The following PRELID3A variants were observed in gnomAD, a reference collection of about 807,000 sequenced individuals.
The protein encoded by PRELID3A is PRELI domain containing protein 3A.
PRELID3A carries 27 observed loss-of-function variants against 23.0 expected under a neutral mutation model. The observed-to-expected ratio is 1.17, with a 90% CI of 0.87 to 1.62. The LOEUF (loss-of-function observed/expected upper bound fraction) is 1.62, where lower values mean the gene tolerates loss of function less well. PRELID3A is among the 40% of genes most tolerant of loss of function. The pLI, the probability that PRELID3A is intolerant of heterozygous loss-of-function variation, is 0.00. For synonymous variants in PRELID3A, 87 were observed against 86.4 expected (o/e 1.01, Z -0.04); for missense variants, 231 against 231.4 (o/e 1.00, Z 0.01).
intron 5 of PRELID3A, among the ~76,000 whole-genome samples, chr18:12,428,523 C>T (rs1490964205): frequency 6.6e-6 from 1 of 152,158 alleles, no homozygotes; most frequent in East Asian, 1.9e-4. Context: ...CTTCCCTTTC[C>T]AATGTCCTTC....
chr18:12,424,707 T>G (rs575826230), intron 3 of PRELID3A, among the ~76,000 whole-genome samples: 246 of 152,356 alleles, frequency 1.6e-3, no homozygotes, highest in Non-Finnish European at 2.9e-3. Flanking sequence ...TTTCACTGTT[T>G]AAACTTTTTA....
rs2030323150 is a variant in PRELID3A, at chr18:12,425,433, A to G, written c.292-1608A>G. ...CAGGAGATCAAGACCATCCTGGCTA[A>G]CATGGTGAAACCCCGTCTCTACTAA... On this transcript the variant is annotated intron_variant, in intron 3 of 6. Transcript: ENST00000440960. Among the ~76,000 whole-genome samples the G allele has an allele frequency of 2.7e-5, 4 of 147,782 alleles. No homozygotes were observed. In the Admixed American group the frequency reaches 2.7e-4, roughly 10 times the overall value.
chr18:12,420,327 A>T lies in PRELID3A; in HGVS notation c.35A>T (p.His12Leu). 6.2e-7 allele frequency: 1 copy of T among 1,606,726 alleles called. No homozygotes were observed. Among genetic ancestry groups the T allele is most frequent in the East Asian group, 2.2e-5 (1 of 44,590 alleles). Reference sequence around the variant, plus strand: ...CGCCGCCTATGCTCTCCCCGCAGCCACCCGTGGGACACGGTCATCCAGGCG... The same window carrying T: ...CGCCGCCTATGCTCTCCCCGCAGCCTCCCGTGGGACACGGTCATCCAGGCG... The part of the protein sequence containing the change: ...KIWSSEHVFG[H>L]PWDTVIQAAM... Residue 12 changes from histidine (H) to leucine (L), a missense_variant and splice_region_variant, in exon 2 of 7, where the codon CAC (histidine) becomes CTC (leucine). His to Leu is a moderately conservative substitution (Grantham distance 99). Transcript: ENST00000440960.
In PRELID3A at chr18:12,421,551, C is replaced by G. The variant is rs774920138; in HGVS notation, c.213C>G (p.Thr71=). Residue 71 remains threonine (T), a synonymous_variant, in exon 3 of 7, where the codon ACC becomes ACG. Coordinates refer to ENST00000440960, the MANE Select transcript of PRELID3A (RefSeq NM_001142405.2). The part of the protein sequence containing the change: ...LPSLVRAILG[T]SRTLTYIREH... ...GCTTTGTTTTCTAGATTTTGGGAAC[C>G]AGTAGGACATTGACATACATCCGAG... 1 of 1,612,444 alleles carries G rather than the reference C, an allele frequency of 6.2e-7. No homozygotes were observed. Among genetic ancestry groups the G allele is most frequent in the Non-Finnish European group, 8.5e-7 (1 of 1,178,594 alleles).
intron 1 of PRELID3A, among the ~76,000 whole-genome samples, chr18:12,414,863 A>G (rs1010061017): frequency 6.6e-6 from 1 of 152,004 alleles, no homozygotes; most frequent in African/African-American, 2.4e-5. Flanking sequence ...CAGCTGATGG[A>G]GGCCTTGGGT....
chr18:12,427,031 T>A lies in PRELID3A; in HGVS notation c.292-10T>A, dbSNP rs2030400740. 1 of 1,603,760 alleles carries A rather than the reference T, an allele frequency of 6.2e-7. No individual in the cohort carries two copies. Among genetic ancestry groups the A allele is most frequent in the Non-Finnish European group, 8.5e-7 (1 of 1,170,698 alleles). On this transcript the variant is annotated splice_polypyrimidine_tract_variant and intron_variant, in intron 3 of 6. Coordinates refer to ENST00000440960, the MANE Select transcript of PRELID3A (RefSeq NM_001142405.2). ...AGAAATACAATCTAAACCTTTTTTT[T>A]CTTTTTAAGATCACACTCACAAATT...
intron 1 of PRELID3A, among the ~76,000 whole-genome samples, chr18:12,415,500 G>A (rs572594174): frequency 6.6e-6 from 1 of 151,212 alleles, no homozygotes; most frequent in Non-Finnish European, 1.5e-5. Flanking sequence ...CAAGTGATCC[G>A]CCCGCCTCGG....
intron 3 of PRELID3A, among the ~76,000 whole-genome samples, chr18:12,424,872 G>A (rs540282865): frequency 2.4e-4 from 36 of 152,298 alleles, no homozygotes; most frequent in African/African-American, 7.2e-4. Context: ...GGTGGCCCAC[G>A]CCTGTAATCC....
chr18:12,408,109 C>A, intron 1 of PRELID3A, 102 bp downstream of exon 1: 2 of 1,041,638 alleles, frequency 1.9e-6, no homozygotes, highest in Non-Finnish European at 1.2e-6. Flanking sequence ...CACAGCGGGC[C>A]TCGCGGAGAT....
rs1481304574 is a variant in PRELID3A at position 12,429,440 on chromosome 18, A to G, written c.*33+4A>G. ...CCTGTGCTTGTCATAAATGGTGGTG[A>G]GTACAGTATTCACTCACCTGGGGGG... On this transcript the variant is annotated splice_donor_region_variant and intron_variant, in intron 6 of 6. Transcript: ENST00000440960. 6.3e-7 allele frequency: 1 copy of G among 1,590,828 alleles called. No homozygotes were observed. Among genetic ancestry groups the G allele is most frequent in the South Asian group, 1.1e-5 (1 of 90,478 alleles).
intron 1 of PRELID3A, among the ~76,000 whole-genome samples, chr18:12,410,224 G>A (rs925093853): frequency 1.3e-5 from 2 of 152,212 alleles, no homozygotes; most frequent in African/African-American, 4.8e-5. Flanking sequence ...GGGGCCCGGC[G>A]CCTAGCAGGT....
intron 1 of PRELID3A, among the ~76,000 whole-genome samples, chr18:12,411,396 G>GCAGAACTTGCAGTGAGC (rs1909904520): frequency 1.4e-5 from 2 of 144,768 alleles, no homozygotes; most frequent in South Asian, 4.4e-4. Flanking sequence ...AACCCGGGAG[G>GCAGAACTTGCAGTGAGC]CAGAACTTGC....
intron 1 of PRELID3A, among the ~76,000 whole-genome samples, chr18:12,417,877 G>A (rs2030014890): frequency 6.6e-6 from 1 of 152,202 alleles, no homozygotes; most frequent in South Asian, 2.1e-4. Context: ...AGTGGAATGC[G>A]TCAGCTTAGT....
Position 12,407,973 on chromosome 18 carries a change from G to C in PRELID3A, c.-3G>C. 1 of 1,298,198 alleles carries C rather than the reference G, an allele frequency of 7.7e-7. No individual in the cohort carries two copies. Among genetic ancestry groups the C allele is most frequent in the South Asian group, 2.5e-5 (1 of 40,602 alleles). The allele number at this position is 1,298,198 out of a possible 1,614,324, so 80.4% of individuals were successfully genotyped here. A position where few individuals can be genotyped will look rare whatever the true frequency, so the allele number is the denominator to read the frequency against. ...GCAGAGCCCGCGCCCTGCGCCGGCG[G>C]CAATGAAGATCTGGAGCTCGGAGCA... On this transcript the variant is annotated 5_prime_UTR_variant, in exon 1 of 7. Transcript: ENST00000440960.
rs770165550 is a variant in PRELID3A, at chr18:12,429,305, G to C, written c.466-45G>C. Reference sequence around the variant, plus strand: ...ACTTGTCGCTTGCTGTCTGCAGCGGGAGGCGGGACGACCCACTCAGTGCTG... The same window carrying C: ...ACTTGTCGCTTGCTGTCTGCAGCGGCAGGCGGGACGACCCACTCAGTGCTG... On this transcript the variant is annotated intron_variant, in intron 5 of 6. Coordinates refer to ENST00000440960, the MANE Select transcript of PRELID3A (RefSeq NM_001142405.2). 2.5e-5 allele frequency: 40 copies of C among 1,570,198 alleles called. No homozygotes were observed. The South Asian group carries it at 4.3e-4, about 17-fold the overall frequency.
chr18:12,432,216 CAGAT>C lies in PRELID3A; in HGVS notation c.*1103_*1106del, dbSNP rs1358757356. On this transcript the variant is annotated 3_prime_UTR_variant, in exon 7 of 7. Coordinates refer to ENST00000440960, the MANE Select transcript of PRELID3A (RefSeq NM_001142405.2). ...TTCTCTTCCCTTCTTTTATTAAACA[CAGAT>C]AGGTTTATGCTGGATAAACCGTTTC... 6.6e-6 allele frequency: 1 copy of C among 152,224 alleles called. No homozygotes were observed. The highest frequency in any genetic ancestry group is 2.4e-5 in the African/African-American group (1 of 41,456). The allele number at this position is 152,224 out of a possible 1,614,324, so 9.4% of individuals were successfully genotyped here.
At chr18:12,411,517 T>C (rs1028995551) in intron 1 of PRELID3A, among the ~76,000 whole-genome samples, 3 of 149,608 alleles carry the variant, frequency 2.0e-5, no homozygotes, top group African/African-American at 7.4e-5. Flanking sequence ...CTTCCCAGCA[T>C]TGAGGTTTCA....
chr18:12,414,939 C>CT (rs1190659650), intron 1 of PRELID3A, among the ~76,000 whole-genome samples: 5 of 151,516 alleles, frequency 3.3e-5, no homozygotes, highest in South Asian at 2.1e-4. Flanking sequence ...TTTTTTCTTT[C>CT]TTTTTTTTAG....
Position 12,424,275 on chromosome 18 carries a change from AG to A in PRELID3A, c.291+2647del, listed in dbSNP as rs566141411. Among the ~76,000 whole-genome samples, 13 of 152,348 alleles carry A rather than the reference AG, an allele frequency of 8.5e-5. No homozygotes were observed. The East Asian group carries it at 2.3e-3, about 27-fold the overall frequency. The stretch of plus-strand genomic sequence containing the variant: ...AAAGGAGCAGTTTATGCTCCAGTGA[AG>A]TCTGATGGGAAGGAAACAGGGTTTG... On this transcript the variant is annotated intron_variant, in intron 3 of 6. Coordinates refer to ENST00000440960, the MANE Select transcript of PRELID3A (RefSeq NM_001142405.2).
Sources: gnomAD v4.1 joint callset for allele counts (sites outside exome capture counted in the v4.1 genomes callset) on GRCh38, gnomAD v4.1.1 for gene constraint, MANE v1.5 for transcripts, NCBI Gene and HGNC (gene_info 2026-07-23, HGNC 2026-07-21) for gene names.